FOXN4: variants seen among roughly 807,000 people sequenced by gnomAD.
FOXN4 encodes the protein forkhead box N4.
Under a neutral mutation model 45.0 loss-of-function variants are expected in FOXN4, and 12 were observed. The ratio of observed to expected loss-of-function variants is 0.27; its 90% CI spans 0.17 to 0.43. The LOEUF is 0.43. FOXN4 is among the 20% of genes least tolerant of loss of function. The pLI is 1.00. For synonymous variants in FOXN4, 297 were observed against 295.0 expected (o/e 1.01, Z -0.07); for missense variants, 560 against 694.9 (o/e 0.81, Z 2.18).
chr12:109,291,153 C>T lies in FOXN4; in HGVS notation c.87-867G>A, dbSNP rs2047763855. ...CGCAACAGATTCATGGGCAAAACATCGGTTGTAGTGGATGTAGGATAGCTG... is the reference window on the plus strand; with the variant it reads ...CGCAACAGATTCATGGGCAAAACATTGGTTGTAGTGGATGTAGGATAGCTG... On this transcript the variant is annotated intron_variant, in intron 2 of 9. Transcript: ENST00000299162. This position sits in a 1 kb window ranked among gnomAD's most constrained non-coding sequence, Gnocchi z 6.6. 6.6e-6 allele frequency among the ~76,000 whole-genome samples: 1 copy of T among 152,086 alleles called. No individual in the cohort carries two copies. Among genetic ancestry groups the T allele is most frequent in the East Asian group, 1.9e-4 (1 of 5,188 alleles).
rs1414125340 is a variant in FOXN4, at chr12:109,304,277, A to AAG, written c.86+3957_86+3958dup. On this transcript the variant is annotated intron_variant, in intron 2 of 9. Transcript: ENST00000299162. The stretch of plus-strand genomic sequence containing the variant: ...AAAGAAAGAAAGAAAGAAAGAAAGA[A>AAG]AGAAAGAAAGAAAGAAAGGAGAAAG... Among the ~76,000 whole-genome samples the AAG allele has an allele frequency of 4.6e-4, 34 of 74,674 alleles. 1 individual carries two copies. Among genetic ancestry groups the AAG allele is most frequent in the African/African-American group, 1.7e-3 (31 of 18,146 alleles). 49.0% of individuals were successfully genotyped at this position (74,674 alleles called of 152,430 possible). A position where few individuals can be genotyped will look rare whatever the true frequency, so the allele number is the denominator to read the frequency against.
chr12:109,295,524 GCC>G lies in FOXN4; in HGVS notation c.87-5240_87-5239del, dbSNP rs201802418. On this transcript the variant is annotated intron_variant, in intron 2 of 9. Transcript: ENST00000299162. ...ACTCTGGCCGGGTGTGGTGGCTCATGCCTGTAATCCCAGCACTTTGGGAGGCC... is the reference window on the plus strand; with the variant it reads ...ACTCTGGCCGGGTGTGGTGGCTCATGTGTAATCCCAGCACTTTGGGAGGCC... Among the ~76,000 whole-genome samples, 726 of 152,338 alleles carry G rather than the reference GCC, an allele frequency of 4.8e-3. 2 individuals carry two copies. The highest frequency in any genetic ancestry group is 0.016 in the African/African-American group (675 of 41,582).
Position 109,291,480 on chromosome 12 carries a change from C to G in FOXN4, c.87-1194G>C, listed in dbSNP as rs890519363. On this transcript the variant is annotated intron_variant, in intron 2 of 9. Coordinates refer to ENST00000299162, the MANE Select transcript of FOXN4 (RefSeq NM_213596.3). This position sits in a 1 kb window ranked among gnomAD's most constrained non-coding sequence, Gnocchi z 6.6. ...AGAGGCGGGACACCGACCCATCCTG[C>G]CCTGGTTTTCTGCGCCTCTCGGAGG... is the stretch of plus-strand genomic sequence containing the variant. 8.5e-5 allele frequency among the ~76,000 whole-genome samples: 13 copies of G among 152,072 alleles called. No individual in the cohort carries two copies. The highest frequency in any genetic ancestry group is 2.0e-4 in the Admixed American group (3 of 15,282).
chr12:109,288,757 C>A lies in FOXN4; in HGVS notation c.233-577G>T, dbSNP rs1443244325. ...ATTGCTAATCTATCACAGATTCTTACTGCTCTAGCCTGATTTTAGGCAGCC... is the reference window on the plus strand; with the variant it reads ...ATTGCTAATCTATCACAGATTCTTAATGCTCTAGCCTGATTTTAGGCAGCC... On this transcript the variant is annotated intron_variant, in intron 3 of 9. Transcript: ENST00000299162. The surrounding 1 kb of genome is among the most constrained non-coding windows in gnomAD (Gnocchi z 4.3). Among the ~76,000 whole-genome samples, 1 of 152,212 alleles carries A rather than the reference C, an allele frequency of 6.6e-6. No individual in the cohort carries two copies. The highest frequency in any genetic ancestry group is 1.5e-5 in the Non-Finnish European group (1 of 68,038).
rs1343848584 is a variant in FOXN4 at position 109,279,832 on chromosome 12, G to T, written c.1393C>A (p.Leu465Ile). Reference sequence around the variant, plus strand: ...TCGCTGCCACCCGAGGCAGGGGTTAGGCCTGAGGCCCCCAGGTCACAGCCA... The same window carrying T: ...TCGCTGCCACCCGAGGCAGGGGTTATGCCTGAGGCCCCCAGGTCACAGCCA... ...PLGCDLGASG[L>I]TPASGGSDQS... is the part of the protein sequence containing the mutation. Residue 465 changes from leucine to isoleucine, a missense_variant, in exon 10 of 10, where the codon CTA becomes ATA. Physicochemically the swap from Leu to Ile is conservative, Grantham distance 5 (BLOSUM62 2). This residue lies in a region of FOXN4 where 315 missense variants were observed against 350.5 expected (regional missense o/e 0.90). Coordinates refer to ENST00000299162, the MANE Select transcript of FOXN4 (RefSeq NM_213596.3). 4 of 1,613,496 alleles carry T rather than the reference G, an allele frequency of 2.5e-6. No individual in the cohort carries two copies. The highest frequency in any genetic ancestry group is 3.4e-6 in the Non-Finnish European group (4 of 1,179,750).
chr12:109,308,193 A>G, intron 2 of FOXN4, 43 bp downstream of exon 2: 1 of 1,443,544 alleles, frequency 6.9e-7, no homozygotes. Context: ...AAACACTTTG[A>G]GCAATTAAAA....
In FOXN4 at chr12:109,286,734, C is replaced by A; in HGVS notation, c.607G>T (p.Ala203Ser). Residue 203 changes from alanine (A) to serine (S), a missense_variant, in exon 7 of 10, where the codon GCC becomes TCC. Physicochemically the swap from Ala to Ser is moderately conservative, Grantham distance 99. This residue lies in a region of FOXN4 where 39 missense variants were observed against 81.7 expected (regional missense o/e 0.48). Coordinates refer to ENST00000299162, the MANE Select transcript of FOXN4 (RefSeq NM_213596.3). ...GTCTTGCTGTTCTTCAGGGCCATGG[C>A]GATCAGACAGCTGGGGGCAGGAGGT... ...KPIYSYSCLIAMALKNSKTGS... is the reference protein window; with the variant it reads ...KPIYSYSCLISMALKNSKTGS... 6.2e-7 allele frequency: 1 copy of A among 1,605,174 alleles called. No homozygotes were observed. The highest frequency in any genetic ancestry group is 8.5e-7 in the Non-Finnish European group (1 of 1,179,248).
rs1189363060 is a variant in FOXN4, at chr12:109,281,723, G to A, written c.978C>T (p.Pro326=). Residue 326 remains proline, a synonymous_variant, in exon 9 of 10, where the codon CCC becomes CCT. Coordinates refer to ENST00000299162, the MANE Select transcript of FOXN4 (RefSeq NM_213596.3). ...RPGKPGEPEA[P]VLTHATTVAV... is the part of the protein sequence containing the mutation. The stretch of plus-strand genomic sequence containing the variant: ...CCACTGTGGTGGCGTGAGTCAGCAC[G>A]GGGGCCTCTGGTTCCCCCGGTTTGC... 6.8e-6 allele frequency: 11 copies of A among 1,609,622 alleles called. No homozygotes were observed. The highest frequency in any genetic ancestry group is 3.3e-5 in the South Asian group (3 of 90,830).
intron 2 of FOXN4, among the ~76,000 whole-genome samples, chr12:109,295,437 T>C (rs2047808216): frequency 6.6e-6 from 1 of 152,150 alleles, no homozygotes; most frequent in Non-Finnish European, 1.5e-5. Context: ...ATGTCACTGA[T>C]GCCTGCCTGC....
intron 2 of FOXN4, among the ~76,000 whole-genome samples, chr12:109,304,483 G>A (rs1472608668): frequency 6.6e-6 from 1 of 152,112 alleles, no homozygotes. Context: ...AACCCACATT[G>A]AGCATGAGCC....
In FOXN4 at chr12:109,285,485, C is replaced by T. The variant is rs768288901; in HGVS notation, c.720G>A (p.Ser240=). 10 of 1,613,992 alleles carry T rather than the reference C, an allele frequency of 6.2e-6. No homozygotes were observed. The highest frequency in any genetic ancestry group is 5.3e-5 in the African/African-American group (4 of 74,934). The change falls in exon 8 of 10, where the codon TCG becomes TCA. Residue 240 remains serine (S), a synonymous_variant. Coordinates refer to ENST00000299162, the MANE Select transcript of FOXN4 (RefSeq NM_213596.3). ...FKTAPDGWKN[S]VRHNLSLNKC... Reference sequence around the variant, plus strand: ...TGTTCAGAGACAGGTTGTGCCGCACCGAGTTCTTCCACCCGTCGGGGGCCG... The same window carrying T: ...TGTTCAGAGACAGGTTGTGCCGCACTGAGTTCTTCCACCCGTCGGGGGCCG...
At chr12:109,294,190 T>C (rs1175972746) in intron 2 of FOXN4, among the ~76,000 whole-genome samples, 4 of 152,118 alleles carry the variant, frequency 2.6e-5, no homozygotes, top group African/African-American at 2.4e-5. Context: ...GCTCAGACCC[T>C]GAAGCCCCAC....
Position 109,288,854 on chromosome 12 carries a change from G to C in FOXN4, c.233-674C>G, listed in dbSNP as rs879539965. 6.6e-6 allele frequency among the ~76,000 whole-genome samples: 1 copy of C among 152,184 alleles called. No homozygotes were observed. Among genetic ancestry groups the C allele is most frequent in the Non-Finnish European group, 1.5e-5 (1 of 68,036 alleles). On this transcript the variant is annotated intron_variant, in intron 3 of 9. Transcript: ENST00000299162. The surrounding 1 kb of genome is among the most constrained non-coding windows in gnomAD (Gnocchi z 4.3). ...GCCACCTCTTCCAGGAAGCCCTCTG[G>C]GTCCTTCAGCTCTCTTCTGAGTTCT... is the stretch of plus-strand genomic sequence containing the variant.
At chr12:109,283,641 A>G (rs2047674584) in intron 8 of FOXN4, among the ~76,000 whole-genome samples, 2 of 151,900 alleles carry the variant, frequency 1.3e-5, no homozygotes, top group Admixed American at 6.6e-5. Flanking sequence ...ATGCCTGGCT[A>G]ATTTTTGTAT....
chr12:109,297,377 G>T (rs1376136844), intron 2 of FOXN4, among the ~76,000 whole-genome samples: 2 of 152,222 alleles, frequency 1.3e-5, no homozygotes, highest in Admixed American at 6.5e-5. Context: ...GCTTGCTCTT[G>T]TCGCCCAGGC....
intron 8 of FOXN4, 122 bp downstream of exon 8, chr12:109,285,182 A>G: frequency 1.7e-6 from 2 of 1,155,414 alleles, no homozygotes; most frequent in Non-Finnish European, 2.5e-6. Flanking sequence ...GCGCGTGCGT[A>G]TGCATCGGCT....
chr12:109,284,077 C>CAT (rs1243103620), intron 8 of FOXN4, among the ~76,000 whole-genome samples: 1 of 152,180 alleles, frequency 6.6e-6, no homozygotes, highest in African/African-American at 2.4e-5. Context: ...AATTCCTATC[C>CAT]ATTATATACG....
intron 2 of FOXN4, among the ~76,000 whole-genome samples, chr12:109,307,055 C>A (rs952572605): frequency 6.6e-6 from 1 of 152,228 alleles, no homozygotes; most frequent in Non-Finnish European, 1.5e-5. Flanking sequence ...CAAACTGCCA[C>A]GTACCTGGCC....
At chr12:109,293,701 T>C (rs2047791165) in intron 2 of FOXN4, among the ~76,000 whole-genome samples, 1 of 152,242 alleles carries the variant, frequency 6.6e-6, no homozygotes, top group Non-Finnish European at 1.5e-5. Flanking sequence ...TTTCACCATG[T>C]TGGTCAGGCT....
Sources: gnomAD v4.1 joint callset for allele counts (sites outside exome capture counted in the v4.1 genomes callset) on GRCh38, gnomAD v4.1.1 for gene constraint, gnomAD v4.1.1 regional missense constraint, Gnocchi (gnomAD v3.1) non-coding constraint, MANE v1.5 for transcripts, NCBI Gene and HGNC (gene_info 2026-07-23, HGNC 2026-07-21) for gene names.